Variants in DKK2 observed in about 807,000 individuals in gnomAD.
DKK2 encodes the protein dickkopf Wnt signaling pathway inhibitor 2, also known as dickkopf-related protein 2.
A neutral mutation model predicts 28.1 loss-of-function variants in DKK2; 11 were observed. The ratio of observed to expected loss-of-function variants is 0.39; its 90% CI spans 0.25 to 0.65. DKK2 has a LOEUF of 0.65. DKK2 is among the 30% of genes least tolerant of loss of function. The pLI is 0.47. For synonymous variants in DKK2, 135 were observed against 126.5 expected (o/e 1.07, Z -0.45); for missense variants, 326 against 335.5 (o/e 0.97, Z 0.22).
At chr4:106,955,978 T>A (rs1370965332) in intron 1 of DKK2, among the ~76,000 whole-genome samples, 1 of 152,208 alleles carries the variant, frequency 6.6e-6, no homozygotes, top group Non-Finnish European at 1.5e-5. Context: ...TGATCTCATT[T>A]TACTATGGCT....
chr4:107,018,657 G>T (rs146372616), intron 1 of DKK2, among the ~76,000 whole-genome samples: 8 of 152,158 alleles, frequency 5.3e-5, no homozygotes, highest in African/African-American at 1.9e-4. Flanking sequence ...TGCTGGGTTT[G>T]TGACAATCAG....
chr4:107,008,050 A>T (rs1265397559), intron 1 of DKK2, among the ~76,000 whole-genome samples: 2 of 152,108 alleles, frequency 1.3e-5, no homozygotes, highest in African/African-American at 4.8e-5. Context: ...TTTACTAGTT[A>T]TGTCCCAGCT....
chr4:106,988,165 A>T (rs1034617143), intron 1 of DKK2, among the ~76,000 whole-genome samples: 6 of 152,154 alleles, frequency 3.9e-5, no homozygotes, highest in African/African-American at 1.4e-4. Flanking sequence ...CACCCGGCCC[A>T]ATGTTACCCT....
At chr4:106,987,399 A>T (rs1330460603) in intron 1 of DKK2, among the ~76,000 whole-genome samples, 1 of 152,170 alleles carries the variant, frequency 6.6e-6, no homozygotes. Flanking sequence ...TCTATTAAAC[A>T]CTTCAATTTC....
chr4:107,015,272 C>T (rs1578379216), intron 1 of DKK2, among the ~76,000 whole-genome samples: 1 of 151,594 alleles, frequency 6.6e-6, no homozygotes. Flanking sequence ...AAGGGAAGAT[C>T]AGTATCTTAA....
chr4:107,003,064 C>G (rs901373397), intron 1 of DKK2, among the ~76,000 whole-genome samples: 7 of 152,154 alleles, frequency 4.6e-5, no homozygotes, highest in African/African-American at 1.7e-4. Flanking sequence ...TCTACTGGAA[C>G]CTTGTTCCTC....
chr4:106,953,297 A>T (rs892348468), intron 1 of DKK2, among the ~76,000 whole-genome samples: 14 of 152,166 alleles, frequency 9.2e-5, no homozygotes, highest in African/African-American at 3.4e-4. Flanking sequence ...ACTACTCCAG[A>T]GTGGGTAATT....
chr4:107,011,527 T>A (rs922674823), intron 1 of DKK2, among the ~76,000 whole-genome samples: 8 of 151,638 alleles, frequency 5.3e-5, no homozygotes, highest in Admixed American at 1.3e-4. Flanking sequence ...ATTGCACAAT[T>A]ATATTTTGGT....
intron 1 of DKK2, among the ~76,000 whole-genome samples, chr4:106,945,574 A>C (rs897787501): frequency 1.3e-5 from 2 of 152,244 alleles, no homozygotes; most frequent in African/African-American, 2.4e-5. Flanking sequence ...GAGCTCTAGG[A>C]AGAACTTTAT....
At chr4:106,958,960 T>C (rs900711797) in intron 1 of DKK2, among the ~76,000 whole-genome samples, 6 of 152,162 alleles carry the variant, frequency 3.9e-5, no homozygotes, top group African/African-American at 1.4e-4. Flanking sequence ...TCCTAATAGA[T>C]TCAGTTTTCC....
At chr4:107,028,082 T>C (rs1723817821) in intron 1 of DKK2, among the ~76,000 whole-genome samples, 1 of 152,128 alleles carries the variant, frequency 6.6e-6, no homozygotes, top group African/African-American at 2.4e-5. Flanking sequence ...TGAGGTACCA[T>C]TGTTTCCATG....
rs565033060 is a variant in DKK2, at chr4:106,979,838, AGGTG to A, written c.223-53893_223-53890del. Reference sequence around the variant, plus strand: ...TCTTTTCTCATACATCACAGTATCCAGGTGTTTGTTTGTTTGCTCAGCCATGACA... The same window carrying A: ...TCTTTTCTCATACATCACAGTATCCATTTGTTTGTTTGCTCAGCCATGACA... On this transcript the variant is annotated intron_variant, in intron 1 of 3. Transcript: ENST00000285311. Among the ~76,000 whole-genome samples the A allele has an allele frequency of 2.6e-5, 4 of 152,342 alleles. No individual in the cohort carries two copies. The South Asian group carries it at 8.3e-4, about 32-fold the overall frequency.
chr4:106,986,664 A>AC (rs1723124399), intron 1 of DKK2, among the ~76,000 whole-genome samples: 1 of 152,200 alleles, frequency 6.6e-6, no homozygotes, highest in South Asian at 2.1e-4. Flanking sequence ...CATCACACAC[A>AC]CACACACCAT....
chr4:106,927,785 T>G (rs1191671674), intron 1 of DKK2, among the ~76,000 whole-genome samples: 1 of 152,232 alleles, frequency 6.6e-6, no homozygotes, highest in African/African-American at 2.4e-5. Flanking sequence ...CACATGTTTC[T>G]GATTCATTTA....
At chr4:106,977,525 T>C (rs1254070471) in intron 1 of DKK2, among the ~76,000 whole-genome samples, 1 of 152,200 alleles carries the variant, frequency 6.6e-6, no homozygotes, top group East Asian at 1.9e-4. Context: ...TTCCACTTGA[T>C]TGATTCAGCT....
At chr4:106,958,400 A>G (rs997671746) in intron 1 of DKK2, among the ~76,000 whole-genome samples, 11 of 152,094 alleles carry the variant, frequency 7.2e-5, no homozygotes, top group Non-Finnish European at 1.5e-4. Flanking sequence ...CTGTCCGTTC[A>G]TGTTATATCT....
At chr4:106,972,151 A>C (rs990694047) in intron 1 of DKK2, among the ~76,000 whole-genome samples, 2 of 151,972 alleles carry the variant, frequency 1.3e-5, no homozygotes, top group Non-Finnish European at 2.9e-5. Flanking sequence ...AATTTACTGT[A>C]ATTTCTTGTG....
intron 1 of DKK2, among the ~76,000 whole-genome samples, chr4:106,974,077 T>C (rs1560583681): frequency 2.6e-5 from 4 of 152,140 alleles, no homozygotes; most frequent in Admixed American, 6.5e-5. Flanking sequence ...TTCTGAGGCC[T>C]CTGTTATGTT....
At chr4:107,018,022 G>A (rs1005542111) in intron 1 of DKK2, among the ~76,000 whole-genome samples, 2 of 152,006 alleles carry the variant, frequency 1.3e-5, no homozygotes, top group South Asian at 4.1e-4. Context: ...AGAGGTGAAG[G>A]GAGGAAACAT....
Sources: gnomAD v4.1 joint callset for allele counts (sites outside exome capture counted in the v4.1 genomes callset) on GRCh38, gnomAD v4.1.1 for gene constraint, MANE v1.5 for transcripts, NCBI Gene and HGNC (gene_info 2026-07-23, HGNC 2026-07-21) for gene names.